The following SLC4A4 variants were observed in gnomAD, a reference collection of about 807,000 sequenced individuals.
The protein encoded by SLC4A4 is solute carrier family 4 member 4.
A neutral mutation model predicts 111.5 loss-of-function variants in SLC4A4; 27 were observed. The ratio of observed to expected loss-of-function variants is 0.24; its 90% CI spans 0.18 to 0.33. The LOEUF is 0.33. SLC4A4 is among the 10% of genes least tolerant of loss of function. SLC4A4 has a pLI of 1.00. For synonymous variants in SLC4A4, 443 were observed against 463.4 expected (o/e 0.96, Z 0.57); for missense variants, 909 against 1,315.5 (o/e 0.69, Z 4.78).
At chr4:71,149,285 G>T (rs1366243873) in intron 2 of SLC4A4, among the ~76,000 whole-genome samples, 1 of 151,786 alleles carries the variant, frequency 6.6e-6, no homozygotes, top group East Asian at 1.9e-4. Context: ...AAAAGTAAAG[G>T]CCCCAAAATA....
intron 6 of SLC4A4, among the ~76,000 whole-genome samples, chr4:71,377,876 GGAA>G (rs771212473): frequency 2.0e-5 from 3 of 152,132 alleles, no homozygotes; most frequent in Non-Finnish European, 4.4e-5. Flanking sequence ...CCCAAAACTG[GGAA>G]GAAGAAGAGG....
At chr4:71,553,569 C>T (rs1736218566) in intron 20 of SLC4A4, among the ~76,000 whole-genome samples, 1 of 151,770 alleles carries the variant, frequency 6.6e-6, no homozygotes, top group Admixed American at 6.6e-5. Flanking sequence ...TCTTACTTTT[C>T]TTTCCTTCCA....
chr4:71,482,619 A>T (rs920800168), intron 14 of SLC4A4, among the ~76,000 whole-genome samples: 4 of 151,750 alleles, frequency 2.6e-5, no homozygotes, highest in Admixed American at 2.6e-4. Flanking sequence ...AACTCTCGTG[A>T]CAGGAAGCTG....
chr4:71,519,479 A>G (rs1180598630), intron 16 of SLC4A4, among the ~76,000 whole-genome samples: 1 of 152,252 alleles, frequency 6.6e-6, no homozygotes, highest in Non-Finnish European at 1.5e-5. Context: ...CAAATTATAA[A>G]ATACACAGAG....
chr4:71,563,956 G>T, intron 24 of SLC4A4, 67 bp downstream of exon 24: 2 of 1,005,970 alleles, frequency 2.0e-6, no homozygotes, highest in South Asian at 1.3e-5. Flanking sequence ...AAACACTTTA[G>T]AATGGCCATC....
At chr4:71,099,630 T>A (rs1221855093) in intron 2 of SLC4A4, among the ~76,000 whole-genome samples, 1 of 151,768 alleles carries the variant, frequency 6.6e-6, no homozygotes, top group Non-Finnish European at 1.5e-5. Context: ...AAAAAACCAT[T>A]CAAAAGATCA....
At chr4:71,246,311 C>T (rs1720651610) in intron 2 of SLC4A4, among the ~76,000 whole-genome samples, 1 of 152,124 alleles carries the variant, frequency 6.6e-6, no homozygotes, top group Admixed American at 6.6e-5. Context: ...ATAACTAGGA[C>T]AAGGATCCAC....
At chr4:71,321,693 G>C (rs1727134346) in intron 3 of SLC4A4, among the ~76,000 whole-genome samples, 1 of 151,904 alleles carries the variant, frequency 6.6e-6, no homozygotes, top group Non-Finnish European at 1.5e-5. Context: ...AGGCAAAAGA[G>C]AGCAAGAGGG....
chr4:71,464,034 G>A (rs1403932911), intron 12 of SLC4A4, among the ~76,000 whole-genome samples: 1 of 152,086 alleles, frequency 6.6e-6, no homozygotes, highest in Non-Finnish European at 1.5e-5. Context: ...CCTATCACAT[G>A]CACCCAGAGT....
At chr4:71,460,545 G>A (rs1270987988) in intron 12 of SLC4A4, among the ~76,000 whole-genome samples, 1 of 152,046 alleles carries the variant, frequency 6.6e-6, no homozygotes, top group Non-Finnish European at 1.5e-5. Flanking sequence ...AGAAATCCTT[G>A]CTTATGACGA....
At chr4:71,195,358 A>G (rs1443634996) in intron 1 of SLC4A4, among the ~76,000 whole-genome samples, 2 of 118,682 alleles carry the variant, frequency 1.7e-5, no homozygotes, top group African/African-American at 8.6e-5. Context: ...TCAGAATAAC[A>G]TAAGTCAGTC....
intron 6 of SLC4A4, among the ~76,000 whole-genome samples, chr4:71,371,426 T>C (rs1395842094): frequency 6.6e-6 from 1 of 152,034 alleles, no homozygotes; most frequent in East Asian, 1.9e-4. Flanking sequence ...GTATTTTTAG[T>C]AGAGACGGGT....
intron 1 of SLC4A4, among the ~76,000 whole-genome samples, chr4:71,072,069 G>T (rs985550997): frequency 1.3e-5 from 2 of 151,988 alleles, no homozygotes; most frequent in African/African-American, 2.4e-5. Flanking sequence ...TTTGCCTTTT[G>T]CCATGTGAAA....
intron 3 of SLC4A4, among the ~76,000 whole-genome samples, chr4:71,311,999 G>C (rs538034440): frequency 6.6e-6 from 1 of 151,234 alleles, no homozygotes; most frequent in South Asian, 2.1e-4. Context: ...TTTTTGAAAA[G>C]ATTAACAAAA....
intron 2 of SLC4A4, among the ~76,000 whole-genome samples, chr4:71,148,297 G>A (rs1744231803): frequency 6.6e-6 from 1 of 151,828 alleles, no homozygotes; most frequent in Admixed American, 6.6e-5. Context: ...TTTCCCACTG[G>A]TCTCTCTCGA....
chr4:71,316,532 CTTAT>C (rs976331123), intron 3 of SLC4A4, among the ~76,000 whole-genome samples: 3 of 151,974 alleles, frequency 2.0e-5, no homozygotes, highest in Non-Finnish European at 2.9e-5. Context: ...TTGAAAATTA[CTTAT>C]TTATTTATTA....
chr4:71,232,235 T>A (rs989994030), intron 1 of SLC4A4, among the ~76,000 whole-genome samples: 4 of 152,230 alleles, frequency 2.6e-5, no homozygotes, highest in Non-Finnish European at 5.9e-5. Context: ...ATGTGAAATA[T>A]GCATCAAAGA....
intron 2 of SLC4A4, among the ~76,000 whole-genome samples, chr4:71,153,020 A>AATATATGTGTGTGTATATATAT (rs1744353566): frequency 2.3e-5 from 3 of 133,214 alleles, no homozygotes; most frequent in Admixed American, 1.5e-4. Flanking sequence ...TATATATATA[A>AATATATGTGTGTGTATATATAT]ATATATGTGT....
exon 1 of SLC4A4, among the ~76,000 whole-genome samples, chr4:71,062,673 C>T (rs530593301): frequency 1.2e-4 from 19 of 152,256 alleles, no homozygotes; most frequent in African/African-American, 3.9e-4. Flanking sequence ...AACTCTTGAG[C>T]GTGCATCATT....
Sources: allele counts gnomAD v4.1 joint callset (sites outside exome capture counted in the v4.1 genomes callset), GRCh38; gene constraint gnomAD v4.1.1; transcripts MANE v1.5; gene names NCBI Gene and HGNC (gene_info 2026-07-23, HGNC 2026-07-21).